Variants in ATP7B observed in about 807,000 individuals in gnomAD.
ATP7B encodes ATPase copper transporting beta.
In ATP7B, 113 loss-of-function variants were observed where a neutral mutation model predicts 118.9. The observed-to-expected ratio is 0.95, with a 90% CI of 0.82 to 1.11. ATP7B has a LOEUF of 1.11. Ranked by LOEUF, ATP7B falls within the 50% of genes most tolerant of loss-of-function variation. ATP7B has a pLI of 0.00. For synonymous variants in ATP7B, 777 were observed against 727.4 expected (o/e 1.07, Z -1.10); for missense variants, 1,867 against 1,871.4 (o/e 1.00, Z 0.04).
chr13:51,996,405 C>T (rs781206436), intron 1 of ATP7B, among the ~76,000 whole-genome samples: 18 of 152,178 alleles, frequency 1.2e-4, no homozygotes, highest in African/African-American at 3.6e-4. Context: ...CCCCACCACT[C>T]GGGGACCAGA....
chr13:51,934,922 C>G lies in ATP7B; in HGVS notation c.4232G>C (p.Arg1411Pro). 4 of 1,614,112 alleles carry G rather than the reference C, an allele frequency of 2.5e-6. No individual in the cohort carries two copies. The highest frequency in any genetic ancestry group is 3.4e-6 in the Non-Finnish European group (4 of 1,180,022). ...SVHIGMDDRW[R>P]DSPRATPWDQ... ...CCATGGTGTGGCCCTGGGGGAGTCCCGCCACCTGTCATCCATGCCTATGTG... is the reference window on the plus strand; with the variant it reads ...CCATGGTGTGGCCCTGGGGGAGTCCGGCCACCTGTCATCCATGCCTATGTG... Residue 1411 changes from arginine to proline, a missense_variant, in exon 21 of 21, where the codon CGG becomes CCG. By Grantham distance (103) the Arg-to-Pro change is moderately radical. Coordinates refer to ENST00000242839, the MANE Select transcript of ATP7B (RefSeq NM_000053.4).
At chr13:51,991,924 C>T (rs949489814) in intron 1 of ATP7B, among the ~76,000 whole-genome samples, 8 of 152,188 alleles carry the variant, frequency 5.3e-5, no homozygotes, top group Non-Finnish European at 1.0e-4. Context: ...CTGCTCACAT[C>T]AGCAAACAGA....
At chr13:51,937,187 G>T in intron 19 of ATP7B, 89 bp downstream of exon 19, 3 of 1,291,060 alleles carry the variant, frequency 2.3e-6, no homozygotes, top group Non-Finnish European at 3.4e-6. Flanking sequence ...GCCAGCCAGT[G>T]AGTGAGCCAC....
chr13:51,974,530 A>G lies in ATP7B; in HGVS notation c.690T>C (p.Thr230=), dbSNP rs1033565003. ...GPIDIERLQS[T]NPKRPLSSAN... is the part of the protein sequence containing the mutation. ...CAGAAGATAAAGGTCTCTTTGGGTT[A>G]GTGCTTTGTAACCGCTCAATATCAA... The change falls in exon 2 of 21, where the codon ACT becomes ACC. Residue 230 remains threonine (T), a synonymous_variant. Coordinates refer to ENST00000242839, the MANE Select transcript of ATP7B (RefSeq NM_000053.4). The G allele has an allele frequency of 1.9e-6, 3 of 1,614,214 alleles. No individual in the cohort carries two copies. The highest frequency in any genetic ancestry group is 1.6e-4 in the Middle Eastern group (1 of 6,062).
intron 1 of ATP7B, among the ~76,000 whole-genome samples, chr13:51,994,050 T>A (rs563933491): frequency 3.9e-5 from 6 of 152,336 alleles, no homozygotes; most frequent in African/African-American, 1.4e-4. Context: ...AGTTTGGACA[T>A]TTTTTAAAAA....
chr13:51,942,666 A>C, intron 14 of ATP7B, 112 bp from the exon 15 acceptor site: 19 of 1,341,200 alleles, frequency 1.4e-5, no homozygotes, highest in Non-Finnish European at 1.8e-5. Context: ...GAGCAGCGGA[A>C]AGCGGGAACT....
At chr13:52,011,611 G>A (rs1954041247), upstream of ATP7B, 2 of 576,252 alleles carry the variant, frequency 3.5e-6, no homozygotes, top group South Asian at 3.8e-5. Context: ...AGGGGAGAGT[G>A]GGCCTCGGAC....
chr13:52,011,505 A>T, upstream of ATP7B: 2 of 788,374 alleles, frequency 2.5e-6, no homozygotes, highest in South Asian at 2.9e-5. Flanking sequence ...CCGCCCCTTC[A>T]TTTGGGACCG....
chr13:51,970,678 G>A lies in ATP7B; in HGVS notation c.1357C>T (p.Pro453Ser), dbSNP rs1566581687. The A allele has an allele frequency of 1.9e-6, 3 of 1,613,954 alleles. No individual in the cohort carries two copies. The change falls in exon 3 of 21, where the codon CCT (proline) becomes TCT (serine). Residue 453 changes from proline (P) to serine (S), a missense_variant. Pro to Ser is a moderately conservative substitution (Grantham distance 74, BLOSUM62 -1). Coordinates refer to ENST00000242839, the MANE Select transcript of ATP7B (RefSeq NM_000053.4). ...GGAGCCACTTCCTGCACAGATGTAGGTGTACCATCTGTAGTTTGCACCATG... is the reference window on the plus strand; with the variant it reads ...GGAGCCACTTCCTGCACAGATGTAGATGTACCATCTGTAGTTTGCACCATG... ...NSMVQTTDGTPTSVQEVAPHT... is the reference protein window; with the variant it reads ...NSMVQTTDGTSTSVQEVAPHT...
At chr13:51,941,007 AGGACTC>A in intron 16 of ATP7B, 68 bp downstream of exon 16, 1 of 1,591,540 alleles carries the variant, frequency 6.3e-7, no homozygotes, top group Non-Finnish European at 8.6e-7. Flanking sequence ...TTTATAAAGG[AGGACTC>A]TTTTGCCTGA....
At chr13:52,005,011 A>C (rs1441339096) in intron 1 of ATP7B, among the ~76,000 whole-genome samples, 2 of 152,198 alleles carry the variant, frequency 1.3e-5, no homozygotes, top group African/African-American at 2.4e-5. Context: ...GCCAAGGAGC[A>C]CCGCAGAATG....
intron 6 of ATP7B, among the ~76,000 whole-genome samples, chr13:51,960,627 T>C (rs1016105053): frequency 1.1e-4 from 16 of 152,214 alleles, no homozygotes; most frequent in Non-Finnish European, 2.2e-4. Context: ...GCTGAGAATC[T>C]AGCCCCAAAG....
At chr13:51,997,016 AGGCCAGCACTGTGG>A (rs1256519055) in intron 1 of ATP7B, among the ~76,000 whole-genome samples, 6 of 152,228 alleles carry the variant, frequency 3.9e-5, no homozygotes, top group African/African-American at 1.4e-4. Context: ...TCCCTGCCAG[AGGCCAGCACTGTGG>A]GGCTGTGCAG....
At chr13:51,958,739 C>A in intron 7 of ATP7B, 195 bp from the exon 8 acceptor site, 1 of 619,068 alleles carries the variant, frequency 1.6e-6, no homozygotes, top group East Asian at 2.8e-5. Flanking sequence ...AATGGATGAC[C>A]AAGAGCATGT....
chr13:51,940,583 T>G (rs1403893940), intron 16 of ATP7B, among the ~76,000 whole-genome samples: 4 of 151,848 alleles, frequency 2.6e-5, no homozygotes. Flanking sequence ...AGGTGGAGCT[T>G]GTAGTGAGAC....
At chr13:51,941,045 C>G (rs1185371595) in intron 16 of ATP7B, 36 bp downstream of exon 16, 1 of 1,613,934 alleles carries the variant, frequency 6.2e-7, no homozygotes, top group South Asian at 1.1e-5. Flanking sequence ...AACTGTATTT[C>G]TGAGAGAGCG....
chr13:51,970,512 C>G lies in ATP7B; in HGVS notation c.1523G>C (p.Arg508Thr), dbSNP rs578173224. The G allele has an allele frequency of 2.2e-5, 36 of 1,614,186 alleles. No individual in the cohort carries two copies. In the East Asian group the frequency reaches 7.8e-4, roughly 35 times the overall value. ...TCASCVSNIERNLQKEAGVLS... is the reference protein window; with the variant it reads ...TCASCVSNIETNLQKEAGVLS... Reference sequence around the variant, plus strand: ...CTTACCAGCTTCTTTCTGCAGATTCCTTTCTATGTTAGACACACAGGATGC... The same window carrying G: ...CTTACCAGCTTCTTTCTGCAGATTCGTTTCTATGTTAGACACACAGGATGC... Residue 508 changes from arginine (R) to threonine (T), a missense_variant, in exon 3 of 21, where the codon AGG becomes ACG. Coordinates refer to ENST00000242839, the MANE Select transcript of ATP7B (RefSeq NM_000053.4).
intron 5 of ATP7B, among the ~76,000 whole-genome samples, chr13:51,964,014 G>A (rs1396377907): frequency 6.7e-6 from 1 of 150,358 alleles, no homozygotes; most frequent in Admixed American, 6.6e-5. Flanking sequence ...TCATGCCACT[G>A]CACTCCAGCC....
At chr13:51,957,084 AATT>A (rs1304561664) in intron 9 of ATP7B, among the ~76,000 whole-genome samples, 1 of 152,176 alleles carries the variant, frequency 6.6e-6, no homozygotes, top group South Asian at 2.1e-4. Flanking sequence ...GAATAATAAT[AATT>A]ATTATTTTTA....
Sources: allele counts gnomAD v4.1 joint callset (sites outside exome capture counted in the v4.1 genomes callset), GRCh38; gene constraint gnomAD v4.1.1; transcripts MANE v1.5; gene names NCBI Gene and HGNC (gene_info 2026-07-23, HGNC 2026-07-21).